SCIN: variants seen among roughly 807,000 people sequenced by gnomAD.
SCIN encodes scinderin.
Under a neutral mutation model 91.8 loss-of-function variants are expected in SCIN, and 91 were observed. That is an observed-to-expected ratio of 0.99 (90% CI 0.84 to 1.18). SCIN has a LOEUF of 1.18. SCIN is among the 50% of genes most tolerant of loss of function. SCIN has a pLI of 0.00. For missense variants in SCIN, 1,087 were observed against 863.9 expected (o/e 1.26, Z -3.24); for synonymous variants, 367 against 312.6 (o/e 1.17, Z -1.84).
intron 5 of SCIN, among the ~76,000 whole-genome samples, 187 bp from the exon 6 acceptor site, chr7:12,624,823 A>C (rs899929476): frequency 3.3e-5 from 5 of 152,130 alleles, no homozygotes; most frequent in African/African-American, 1.2e-4. Flanking sequence ...GATTCTTTTC[A>C]TTTTCTTTGA....
chr7:12,618,433 C>T (rs1010831495), intron 4 of SCIN, among the ~76,000 whole-genome samples: 4 of 152,100 alleles, frequency 2.6e-5, no homozygotes, highest in Non-Finnish European at 4.4e-5. Context: ...GCTTTCCCTC[C>T]TCTAAAATAC....
chr7:12,619,499 A>G (rs1199327923), intron 4 of SCIN, among the ~76,000 whole-genome samples: 2 of 152,172 alleles, frequency 1.3e-5, no homozygotes, highest in Admixed American at 1.3e-4. Flanking sequence ...AAATTTCCAC[A>G]TAAGCCTGCT....
chr7:12,636,024 G>A (rs75173905), intron 9 of SCIN, 21 bp from the exon 10 acceptor site: 62,753 of 1,588,204 alleles, frequency 0.04, 1,456 homozygotes, highest in Middle Eastern at 0.055. Flanking sequence ...AAGCTAATTC[G>A]TTTCACTTTC....
At chr7:12,613,293 A>G (rs1391654743) in intron 4 of SCIN, among the ~76,000 whole-genome samples, 1 of 152,158 alleles carries the variant, frequency 6.6e-6, no homozygotes, top group African/African-American at 2.4e-5. Context: ...ACACAGATAT[A>G]AAAGGGCCAG....
chr7:12,614,153 T>C (rs1400206700), intron 4 of SCIN, among the ~76,000 whole-genome samples: 2 of 152,202 alleles, frequency 1.3e-5, no homozygotes, highest in African/African-American at 4.8e-5. Flanking sequence ...TATGGAACAC[T>C]ATTGTTAGGG....
chr7:12,604,866 T>A (rs565902372), intron 4 of SCIN, among the ~76,000 whole-genome samples: 4 of 152,194 alleles, frequency 2.6e-5, no homozygotes, highest in African/African-American at 9.6e-5. Flanking sequence ...CAGAAAGTCA[T>A]GACTTTCTCT....
chr7:12,603,924 T>C (rs1783017091), intron 3 of SCIN, among the ~76,000 whole-genome samples: 1 of 152,000 alleles, frequency 6.6e-6, no homozygotes, highest in Non-Finnish European at 1.5e-5. Context: ...TTTCTCCTTT[T>C]ATGAATAATT....
chr7:12,652,919 A>G lies in SCIN; in HGVS notation c.*204A>G, dbSNP rs1415095096. The stretch of plus-strand genomic sequence containing the variant: ...GGATTTCGAGACCAGCCTGGCCAAC[A>G]TGGCGAAACCTCGCCTCTACTAAAA... On this transcript the variant is annotated 3_prime_UTR_variant, in exon 16 of 16. Transcript: ENST00000297029. 4.2e-5 allele frequency: 22 copies of G among 524,208 alleles called. No homozygotes were observed. The highest frequency in any genetic ancestry group is 5.2e-5 in the Non-Finnish European group (16 of 310,062). The allele number at this position is 524,208 out of a possible 1,614,324, so 32.5% of individuals were successfully genotyped here. A position where few individuals can be genotyped will look rare whatever the true frequency, so the allele number is the denominator to read the frequency against.
chr7:12,574,576 A>T lies in SCIN; in HGVS notation c.200-3488A>T, dbSNP rs561015342. On this transcript the variant is annotated intron_variant, in intron 1 of 15. Coordinates refer to ENST00000297029, the MANE Select transcript of SCIN (RefSeq NM_001112706.3). ...AAAATACGAATAAAATAGGTGGATT[A>T]TATCAATGCCAATATCCTGGTTGTG... 2.6e-5 allele frequency among the ~76,000 whole-genome samples: 4 copies of T among 152,290 alleles called. No individual in the cohort carries two copies. The South Asian group carries it at 6.2e-4, about 24-fold the overall frequency.
intron 10 of SCIN, among the ~76,000 whole-genome samples, chr7:12,638,461 G>C (rs1215400495): frequency 6.6e-6 from 1 of 152,166 alleles, no homozygotes; most frequent in Non-Finnish European, 1.5e-5. Flanking sequence ...CCAATGCAGT[G>C]ATGTTTCTGA....
In SCIN at chr7:12,652,788, A is replaced by G; in HGVS notation, c.*73A>G. 1 of 1,552,726 alleles carries G rather than the reference A, an allele frequency of 6.4e-7. No individual in the cohort carries two copies. Among genetic ancestry groups the G allele is most frequent in the Non-Finnish European group, 8.7e-7 (1 of 1,155,508 alleles). Reference sequence around the variant, plus strand: ...TTGCTGTTTTGGGAGAGGAACGGGAAAAGCTTTTTGCTTATTTGTCTTTTG... The same window carrying G: ...TTGCTGTTTTGGGAGAGGAACGGGAGAAGCTTTTTGCTTATTTGTCTTTTG... On this transcript the variant is annotated 3_prime_UTR_variant, in exon 16 of 16. Coordinates refer to ENST00000297029, the MANE Select transcript of SCIN (RefSeq NM_001112706.3).
rs1491092212 is a variant in SCIN, at chr7:12,657,573, T to TATATATATATATATATA, written c.*4858_*4859insATATATATATATATATA. The TATATATATATATATATA allele has an allele frequency of 1.3e-4, 2 of 15,290 alleles. No homozygotes were observed. Among genetic ancestry groups the TATATATATATATATATA allele is most frequent in the African/African-American group, 2.3e-4 (1 of 4,286 alleles). The allele number at this position is 15,290 out of a possible 1,614,324, so 0.9% of individuals were successfully genotyped here. On this transcript the variant is annotated 3_prime_UTR_variant, in exon 16 of 16. Coordinates refer to ENST00000297029, the MANE Select transcript of SCIN (RefSeq NM_001112706.3). ...ATATATATATATATATATATATATA[T>TATATATATATATATATA]TTTTTTTTTTTTTTTTTTTTTTTTT... is the stretch of plus-strand genomic sequence containing the variant.
chr7:12,603,421 G>A (rs1195745704), intron 3 of SCIN, among the ~76,000 whole-genome samples: 4 of 152,030 alleles, frequency 2.6e-5, no homozygotes, highest in African/African-American at 9.7e-5. Context: ...GGAATTACAG[G>A]CATGAGCCAC....
intron 3 of SCIN, among the ~76,000 whole-genome samples, chr7:12,602,595 A>G (rs1031583640): frequency 6.6e-5 from 10 of 152,154 alleles, no homozygotes; most frequent in African/African-American, 2.4e-4. Flanking sequence ...ATCTCCCCCA[A>G]GGAATGCAAT....
chr7:12,649,756 G>A (rs1784042112), intron 14 of SCIN, among the ~76,000 whole-genome samples: 1 of 152,098 alleles, frequency 6.6e-6, no homozygotes, highest in Non-Finnish European at 1.5e-5. Flanking sequence ...TACCATCTTT[G>A]GCTTTACAGT....
At chr7:12,604,408 G>A (rs7798406) in intron 3 of SCIN, 106 bp from the exon 4 acceptor site, 435,644 of 948,814 alleles carry the variant, frequency 0.46, 102,371 homozygotes, top group East Asian at 0.58. Context: ...TCAACAATAG[G>A]TCATTTAATT....
At chr7:12,578,965 A>G (rs966253892) in intron 2 of SCIN, among the ~76,000 whole-genome samples, 1 of 123,082 alleles carries the variant, frequency 8.1e-6, no homozygotes, top group African/African-American at 3.2e-5. Context: ...CCCTCCCTTC[A>G]CCATTCCTGC....
In SCIN at chr7:12,659,922, A is replaced by T. The variant is rs150249157; in HGVS notation, c.*7207A>T. 1.8e-4 allele frequency: 28 copies of T among 154,188 alleles called. No individual in the cohort carries two copies. The highest frequency in any genetic ancestry group is 3.8e-4 in the Non-Finnish European group (26 of 69,270). 9.6% of individuals were successfully genotyped at this position (154,188 alleles called of 1,614,324 possible). A position where few individuals can be genotyped will look rare whatever the true frequency, so the allele number is the denominator to read the frequency against. ...TAACTGATGACATTCCACCATTGTG[A>T]TGTGTTTCTGCCCCATCCTAACTGA... On this transcript the variant is annotated 3_prime_UTR_variant, in exon 16 of 16. Transcript: ENST00000297029.
At chr7:12,646,406 C>T (rs2115300552) in intron 13 of SCIN, among the ~76,000 whole-genome samples, 1 of 152,140 alleles carries the variant, frequency 6.6e-6, no homozygotes, top group East Asian at 1.9e-4. Flanking sequence ...TAAAGACAGA[C>T]ACTAAGCAGG....
Sources: allele counts gnomAD v4.1 joint callset (sites outside exome capture counted in the v4.1 genomes callset), GRCh38; gene constraint gnomAD v4.1.1; transcripts MANE v1.5; gene names NCBI Gene and HGNC (gene_info 2026-07-23, HGNC 2026-07-21).